The following MID2 variants were observed in gnomAD, a reference collection of about 807,000 sequenced individuals.
The protein encoded by MID2 is probable E3 ubiquitin-protein ligase MID2.
In MID2, 13 loss-of-function variants were observed where a neutral mutation model predicts 46.1. The ratio of observed to expected loss-of-function variants is 0.28; its 90% CI spans 0.18 to 0.45. The LOEUF (loss-of-function observed/expected upper bound fraction) is 0.45, where lower values mean the gene tolerates loss of function less well. Among genes scored for constraint, MID2 ranks in the 20% least tolerant of loss-of-function variants. The pLI is 1.00. For synonymous variants in MID2, 199 were observed against 212.3 expected (o/e 0.94, Z 0.55); for missense variants, 431 against 575.4 (o/e 0.75, Z 2.57).
Position 107,929,719 on chromosome X carries a change from C to T in MID2, c.*2646C>T, listed in dbSNP as rs1933249162. Among the ~76,000 whole-genome samples the T allele has an allele frequency of 9.0e-6, 1 of 111,178 alleles. No homozygotes were observed. On this transcript the variant is annotated 3_prime_UTR_variant, in exon 10 of 10. Transcript: ENST00000262843. ...CTGGGACAAAGATCTAATTTCCCCA[C>T]CCTACTTTTGACTCTATCCTGGACT...
chrX:107,917,600 C>T lies in MID2; in HGVS notation c.1296C>T (p.Ser432=), dbSNP rs776063379. 9 of 1,209,395 alleles carry T rather than the reference C, an allele frequency of 7.4e-6. No homozygotes were observed. Among genetic ancestry groups the T allele is most frequent in the South Asian group, 7.0e-5 (4 of 56,756 alleles). Reference sequence around the variant, plus strand: ...TCTCGGATGATGAGTTCAGCATCAGCTCCTATGAGCTTCAGTACACCATAT... The same window carrying T: ...TCTCGGATGATGAGTTCAGCATCAGTTCCTATGAGCTTCAGTACACCATAT... ...HWISDDEFSI[S]SYELQYTIFT... is the part of the protein sequence containing the mutation. The change falls in exon 7 of 10, where the codon AGC becomes AGT. Residue 432 remains serine (S), a synonymous_variant. Coordinates refer to ENST00000262843, the MANE Select transcript of MID2 (RefSeq NM_012216.4).
At chrX:107,872,915 A>C (rs753551529) in intron 3 of MID2, among the ~76,000 whole-genome samples, 3 of 111,812 alleles carry the variant, frequency 2.7e-5, no homozygotes, top group Non-Finnish European at 5.6e-5. Flanking sequence ...GGTGTTTCTA[A>C]CATGTAGTAG....
chrX:107,875,972 C>T (rs1035532471), intron 3 of MID2, among the ~76,000 whole-genome samples: 1 of 111,757 alleles, frequency 8.9e-6, no homozygotes, highest in Admixed American at 9.4e-5. Context: ...TCCTGCTGAA[C>T]CATTTGGGAG....
At chrX:107,869,670 T>A (rs1292637230) in intron 3 of MID2, among the ~76,000 whole-genome samples, 4 of 111,353 alleles carry the variant, frequency 3.6e-5, no homozygotes, top group Non-Finnish European at 7.6e-5. Flanking sequence ...ATAGGTACAG[T>A]ACATTTTTTT....
rs754768457 is a variant in MID2, at chrX:107,881,008, G to T, written c.817-22950G>T. Among the ~76,000 whole-genome samples the T allele has an allele frequency of 8.9e-5, 10 of 112,823 alleles. No individual in the cohort carries two copies. The South Asian group carries it at 3.7e-3, about 41-fold the overall frequency. On this transcript the variant is annotated intron_variant, in intron 3 of 9. Transcript: ENST00000262843. ...TAAGGATATTTATTTCCTAGAAGTG[G>T]AATTGACAGTTTAAAGTAAAGCCAC...
At chrX:107,848,199 G>A (rs1476798243) in intron 2 of MID2, among the ~76,000 whole-genome samples, 1 of 110,735 alleles carries the variant, frequency 9.0e-6, no homozygotes, top group African/African-American at 3.3e-5. Context: ...AATTAGGCAT[G>A]AAGGAATAGA....
At chrX:107,926,591 T>C in intron 9 of MID2, 80 bp from the exon 10 acceptor site, 1 of 912,106 alleles carries the variant, frequency 1.1e-6, no homozygotes, top group South Asian at 2.4e-5. Context: ...ATCCTATTTG[T>C]TATATATCAT....
chrX:107,868,031 T>C (rs1381701062), intron 3 of MID2, among the ~76,000 whole-genome samples: 1 of 112,222 alleles, frequency 8.9e-6, no homozygotes, highest in Admixed American at 9.4e-5. Context: ...GGAATTGTTC[T>C]AAAATTGGAT....
chrX:107,863,581 C>A lies in MID2; in HGVS notation c.816+8877C>A, dbSNP rs931092905. Among the ~76,000 whole-genome samples the A allele has an allele frequency of 5.3e-5, 6 of 112,370 alleles. No individual in the cohort carries two copies. The Admixed American group carries it at 5.6e-4, about 11-fold the overall frequency. ...TTTGCTCCACTATTTTCACAATCCA[C>A]CCAAATTCCCCATTTCCAGTGTGCT... is the stretch of plus-strand genomic sequence containing the variant. On this transcript the variant is annotated intron_variant, in intron 3 of 9. Coordinates refer to ENST00000262843, the MANE Select transcript of MID2 (RefSeq NM_012216.4).
intron 1 of MID2, among the ~76,000 whole-genome samples, chrX:107,828,150 C>T (rs1219572419): frequency 1.8e-5 from 2 of 110,903 alleles, no homozygotes; most frequent in African/African-American, 6.6e-5. Context: ...TGCTTCTGCT[C>T]ACACCGTGTG....
In MID2 at chrX:107,929,291, C is replaced by CA. The variant is rs924092391; in HGVS notation, c.*2227dup. Among the ~76,000 whole-genome samples the CA allele has an allele frequency of 4.3e-4, 47 of 108,532 alleles. No individual in the cohort carries two copies. Among genetic ancestry groups the CA allele is most frequent in the Admixed American group, 2.0e-3 (20 of 10,159 alleles). 94.2% of individuals were successfully genotyped at this position (108,532 alleles called of 115,157 possible). A position where few individuals can be genotyped will look rare whatever the true frequency, so the allele number is the denominator to read the frequency against. The stretch of plus-strand genomic sequence containing the variant: ...TAGGGCATATCCCCAAATTCTTAAA[C>CA]AAAAAAAAATGATTTTTTTCCCCTT... On this transcript the variant is annotated 3_prime_UTR_variant, in exon 10 of 10. Coordinates refer to ENST00000262843, the MANE Select transcript of MID2 (RefSeq NM_012216.4).
At position 107,928,738 on chromosome X, in the gene MID2, C is replaced by CA. The variant is rs1370242711; in HGVS notation, c.*1668dup. On this transcript the variant is annotated 3_prime_UTR_variant, in exon 10 of 10. Transcript: ENST00000262843. ...ATGGCTTACTATTCTGTGGAAGAAA[C>CA]AAAGTATATAATCCTCCCCAATAAC... 8.9e-6 allele frequency among the ~76,000 whole-genome samples: 1 copy of CA among 111,945 alleles called. No individual in the cohort carries two copies. Among genetic ancestry groups the CA allele is most frequent in the Non-Finnish European group, 1.9e-5 (1 of 53,124 alleles).
chrX:107,891,487 G>C (rs1328281568), intron 3 of MID2, among the ~76,000 whole-genome samples: 1 of 110,436 alleles, frequency 9.1e-6, no homozygotes, highest in African/African-American at 3.3e-5. Flanking sequence ...CACCATGTTG[G>C]TCAGGCTGAG....
intron 5 of MID2, among the ~76,000 whole-genome samples, chrX:107,910,906 T>G (rs1226525912): frequency 2.2e-5 from 2 of 90,019 alleles, no homozygotes; most frequent in Non-Finnish European, 2.2e-5. Context: ...CAGGCTGGAG[T>G]GCAGTGGCAC....
At chrX:107,886,427 A>G (rs1461943440) in intron 3 of MID2, among the ~76,000 whole-genome samples, 3 of 112,044 alleles carry the variant, frequency 2.7e-5, no homozygotes, top group Non-Finnish European at 5.6e-5. Flanking sequence ...AAGATCAGAC[A>G]GTTGTAGATA....
At chrX:107,866,429 AC>A (rs1167139524) in intron 3 of MID2, among the ~76,000 whole-genome samples, 1 of 6,058 alleles carries the variant, frequency 1.7e-4, no homozygotes, top group East Asian at 5.5e-3. Context: ...GAAAACACAC[AC>A]ACACACACAC....
intron 1 of MID2, among the ~76,000 whole-genome samples, chrX:107,837,124 G>A (rs904460817): frequency 1.8e-5 from 2 of 111,785 alleles, no homozygotes; most frequent in East Asian, 5.6e-4. Context: ...GACCCATAGC[G>A]TGCTTTCCCA....
At chrX:107,914,872 A>T (rs1322137736) in intron 5 of MID2, among the ~76,000 whole-genome samples, 1 of 112,532 alleles carries the variant, frequency 8.9e-6, no homozygotes, top group Non-Finnish European at 1.9e-5. Flanking sequence ...GGGCTCAATT[A>T]TATTTCTGAC....
chrX:107,929,257 T>C lies in MID2; in HGVS notation c.*2184T>C, dbSNP rs1354998551. Among the ~76,000 whole-genome samples the C allele has an allele frequency of 9.0e-6, 1 of 111,173 alleles. No individual in the cohort carries two copies. The highest frequency in any genetic ancestry group is 9.6e-5 in the Admixed American group (1 of 10,445). ...CTCCTTCATTTCTCAGTCACCTTTG[T>C]CTCTTCCCTAGGGCATATCCCCAAA... is the stretch of plus-strand genomic sequence containing the variant. On this transcript the variant is annotated 3_prime_UTR_variant, in exon 10 of 10. Coordinates refer to ENST00000262843, the MANE Select transcript of MID2 (RefSeq NM_012216.4).
Sources: allele counts gnomAD v4.1 joint callset (sites outside exome capture counted in the v4.1 genomes callset), GRCh38; gene constraint gnomAD v4.1.1; transcripts MANE v1.5; gene names NCBI Gene and HGNC (gene_info 2026-07-23, HGNC 2026-07-21).